The following HDAC9 variants were observed in gnomAD, a reference collection of about 807,000 sequenced individuals.
The protein encoded by HDAC9 is MEF-2 interacting transcription repressor (MITR) protein.
HDAC9 carries 41 observed loss-of-function variants against 139.4 expected under a neutral mutation model. That is an observed-to-expected ratio of 0.29 (90% CI 0.23 to 0.38). The LOEUF (loss-of-function observed/expected upper bound fraction) is 0.38. HDAC9 is among the 10% of genes least tolerant of loss of function. The pLI, the probability that HDAC9 is intolerant of heterozygous loss-of-function variation, is 1.00. For missense variants in HDAC9, 1,147 were observed against 1,297.0 expected (o/e 0.88, Z 1.78); for synonymous variants, 517 against 476.2 (o/e 1.09, Z -1.12).
chr7:18,319,518 C>T (rs1585155148), intron 1 of HDAC9, among the ~76,000 whole-genome samples: 2 of 152,274 alleles, frequency 1.3e-5, no homozygotes, highest in Admixed American at 1.3e-4. Flanking sequence ...ATCTGCTATT[C>T]TTGCAAAGCC....
At position 18,506,568 on chromosome 7, in the gene HDAC9, ATT is replaced by A. The variant is rs58357233; in HGVS notation, c.22+10255_22+10256del. Among the ~76,000 whole-genome samples, 1,088 of 147,164 alleles carry A rather than the reference ATT, an allele frequency of 7.4e-3. 13 individuals carry two copies. The highest frequency in any genetic ancestry group is 0.026 in the African/African-American group (1,046 of 40,392). ...AATCTAAATTCTATTCAATTTCTCAATTTTTTTTTTTTAATCCCATGAAGCTT... is the reference window on the plus strand; with the variant it reads ...AATCTAAATTCTATTCAATTTCTCAATTTTTTTTTTAATCCCATGAAGCTT... On this transcript the variant is annotated intron_variant, in intron 2 of 25. Coordinates refer to ENST00000686413, the MANE Select transcript of HDAC9 (RefSeq NM_178425.4).
chr7:18,645,937 T>C (rs10247766), intron 9 of HDAC9, among the ~76,000 whole-genome samples: 4,132 of 152,216 alleles, frequency 0.027, 205 homozygotes, highest in African/African-American at 0.093. Flanking sequence ...TGTGTTCTTA[T>C]ACCAATGAGG....
chr7:18,924,752 G>C (rs1378157503), intron 22 of HDAC9, among the ~76,000 whole-genome samples: 1 of 152,060 alleles, frequency 6.6e-6, no homozygotes, highest in African/African-American at 2.4e-5. Flanking sequence ...TTTTTTTAAA[G>C]ACCAGATAAC....
In HDAC9 at chr7:18,737,869, T is replaced by C. The variant is rs541669836; in HGVS notation, c.1909+10112T>C. Among the ~76,000 whole-genome samples the C allele has an allele frequency of 2.6e-5, 4 of 152,326 alleles. No individual in the cohort carries two copies. The South Asian group carries it at 8.3e-4, about 32-fold the overall frequency. On this transcript the variant is annotated intron_variant, in intron 13 of 25. Coordinates refer to ENST00000686413, the MANE Select transcript of HDAC9 (RefSeq NM_178425.4). Reference sequence around the variant, plus strand: ...ATATTGGCAGTGGGGTGTTAAAGTCTCCCATTATTATTGTGTGGGAGTCTA... The same window carrying C: ...ATATTGGCAGTGGGGTGTTAAAGTCCCCCATTATTATTGTGTGGGAGTCTA...
chr7:18,208,698 A>G (rs1452567556), intron 2 of HDAC9, among the ~76,000 whole-genome samples: 1 of 152,132 alleles, frequency 6.6e-6, no homozygotes, highest in African/African-American at 2.4e-5. Flanking sequence ...TAAATTGTAA[A>G]CAAAGTTATC....
At chr7:18,583,326 C>T (rs1487095340) in intron 2 of HDAC9, among the ~76,000 whole-genome samples, 1 of 152,134 alleles carries the variant, frequency 6.6e-6, no homozygotes, top group East Asian at 1.9e-4. Flanking sequence ...TTCAATGTTA[C>T]ACACATGAAA....
chr7:18,339,733 T>C lies in HDAC9; in HGVS notation c.-42+49218T>C, dbSNP rs141679575. On this transcript the variant is annotated intron_variant, in intron 1 of 3. Transcript: ENST00000413509. ...TCTGTAAGTGATTTCTAATTTATTC[T>C]ACTGGGGATTAAAAACATAACTTCT... Among the ~76,000 whole-genome samples, 468 of 151,634 alleles carry C rather than the reference T, an allele frequency of 3.1e-3. 6 individuals carry two copies. Among genetic ancestry groups the C allele is most frequent in the African/African-American group, 0.01 (435 of 41,502 alleles).
intron 2 of HDAC9, among the ~76,000 whole-genome samples, chr7:18,574,666 C>T (rs1825431118): frequency 6.6e-6 from 1 of 152,220 alleles, no homozygotes; most frequent in South Asian, 2.1e-4. Context: ...CCTCAATCTC[C>T]CACTCATGCT....
Position 18,996,719 on chromosome 7 carries a change from C to G in HDAC9, c.*657C>G, listed in dbSNP as rs1436036604. On this transcript the variant is annotated 3_prime_UTR_variant, in exon 26 of 26. Coordinates refer to ENST00000686413, the MANE Select transcript of HDAC9 (RefSeq NM_178425.4). Reference sequence around the variant, plus strand: ...CCAAATGCCAAAGGAACCTCACACACTGTTTGTAATGGTGCAATATTTTAT... The same window carrying G: ...CCAAATGCCAAAGGAACCTCACACAGTGTTTGTAATGGTGCAATATTTTAT... 6.6e-6 allele frequency: 1 copy of G among 152,170 alleles called. No individual in the cohort carries two copies. Among genetic ancestry groups the G allele is most frequent in the African/African-American group, 2.4e-5 (1 of 41,430 alleles). The allele number at this position is 152,170 out of a possible 1,614,324, so 9.4% of individuals were successfully genotyped here.
chr7:18,372,201 A>G (rs958455906), intron 1 of HDAC9, among the ~76,000 whole-genome samples: 1 of 152,232 alleles, frequency 6.6e-6, no homozygotes, highest in African/African-American at 2.4e-5. Flanking sequence ...AGCCAAGTTC[A>G]AAGCCACTGA....
chr7:18,436,986 T>G (rs1457640674), intron 1 of HDAC9, among the ~76,000 whole-genome samples: 2 of 152,198 alleles, frequency 1.3e-5, no homozygotes, highest in African/African-American at 2.4e-5. Context: ...GCCAGAGATA[T>G]TTTGAAGACT....
intron 2 of HDAC9, among the ~76,000 whole-genome samples, chr7:18,229,827 T>C (rs1229911384): frequency 6.6e-6 from 1 of 152,198 alleles, no homozygotes; most frequent in Non-Finnish European, 1.5e-5. Flanking sequence ...GATCAAATTC[T>C]TCAATTTGAT....
intron 12 of HDAC9, chr7:18,667,226 A>G: frequency 2.0e-6 from 2 of 985,330 alleles, no homozygotes; most frequent in Non-Finnish European, 2.4e-6. Flanking sequence ...AAAAAGAGCA[A>G]ATGAAGCAGA....
chr7:18,273,893 C>T (rs1293495614), intron 2 of HDAC9, among the ~76,000 whole-genome samples: 4 of 152,114 alleles, frequency 2.6e-5, no homozygotes, highest in South Asian at 2.1e-4. Flanking sequence ...TACAATTTTA[C>T]GCATCTATCA....
intron 8 of HDAC9, among the ~76,000 whole-genome samples, chr7:18,639,100 G>A (rs750612844): frequency 2.0e-4 from 30 of 151,990 alleles, no homozygotes; most frequent in Non-Finnish European, 3.4e-4. Context: ...AAATTTTCCA[G>A]CAGATACAAA....
chr7:18,545,448 G>T (rs1814467923), intron 2 of HDAC9, among the ~76,000 whole-genome samples: 1 of 152,060 alleles, frequency 6.6e-6, no homozygotes, highest in South Asian at 2.1e-4. Context: ...TTTTTAGGAC[G>T]TAAATAGTTA....
At chr7:18,379,843 C>T (rs948210641) in intron 1 of HDAC9, among the ~76,000 whole-genome samples, 1 of 152,096 alleles carries the variant, frequency 6.6e-6, no homozygotes, top group African/African-American at 2.4e-5. Flanking sequence ...TCTAAGGTAT[C>T]TTATTTCCAC....
chr7:18,391,127 G>A (rs1457820944), intron 1 of HDAC9, among the ~76,000 whole-genome samples: 1 of 152,156 alleles, frequency 6.6e-6, no homozygotes, highest in Non-Finnish European at 1.5e-5. Flanking sequence ...GCTCATGCCT[G>A]TAATCCTAGC....
At chr7:18,429,613 T>C (rs1165198966) in intron 1 of HDAC9, among the ~76,000 whole-genome samples, 2 of 152,162 alleles carry the variant, frequency 1.3e-5, no homozygotes, top group Non-Finnish European at 2.9e-5. Flanking sequence ...TACCTTTTAG[T>C]GTTTGCAGTA....
Sources: allele counts gnomAD v4.1 joint callset (sites outside exome capture counted in the v4.1 genomes callset), GRCh38; gene constraint gnomAD v4.1.1; transcripts MANE v1.5; gene names NCBI Gene and HGNC (gene_info 2026-07-23, HGNC 2026-07-21).